The following ZFYVE28 variants were observed in gnomAD, a reference collection of about 807,000 sequenced individuals.
The protein encoded by ZFYVE28 is lateral signaling target protein 2 homolog.
A neutral mutation model predicts 82.1 loss-of-function variants in ZFYVE28; 40 were observed. The ratio of observed to expected loss-of-function variants is 0.49; its 90% CI spans 0.38 to 0.63. The LOEUF (loss-of-function observed/expected upper bound fraction) is 0.63. ZFYVE28 is among the 30% of genes least tolerant of loss of function. The probability of loss-of-function intolerance (pLI) is 0.00; values close to 1 mark genes in which losing one functional copy is unlikely to be tolerated. For synonymous variants in ZFYVE28, 612 were observed against 546.1 expected (o/e 1.12, Z -1.68); for missense variants, 1,321 against 1,242.1 (o/e 1.06, Z -0.96).
At chr4:2,380,356 G>T (rs941111963) in intron 1 of ZFYVE28, among the ~76,000 whole-genome samples, 1 of 152,186 alleles carries the variant, frequency 6.6e-6, no homozygotes. Context: ...TAGCAGGAGC[G>T]GGGAGAGCAA....
At chr4:2,387,045 C>G (rs1045579139) in intron 1 of ZFYVE28, among the ~76,000 whole-genome samples, 1 of 152,154 alleles carries the variant, frequency 6.6e-6, no homozygotes, top group Non-Finnish European at 1.5e-5. Flanking sequence ...GCTCCGCAGA[C>G]TGCAGGAGAC....
intron 8 of ZFYVE28, among the ~76,000 whole-genome samples, chr4:2,281,194 T>C (rs1711915168): frequency 6.6e-6 from 1 of 151,664 alleles, no homozygotes. Flanking sequence ...GAAAAACCAA[T>C]GAGGTACTGC....
chr4:2,395,982 T>A lies in ZFYVE28; in HGVS notation c.39+22303A>T, dbSNP rs73072381. On this transcript the variant is annotated intron_variant, in intron 1 of 12. Transcript: ENST00000290974. Reference sequence around the variant, plus strand: ...TTGCCTGTGTCCCCTGGGGGTCCAATTCAGCCCGGGTGAGACCCACTGGGT... The same window carrying A: ...TTGCCTGTGTCCCCTGGGGGTCCAAATCAGCCCGGGTGAGACCCACTGGGT... 5.6e-3 allele frequency among the ~76,000 whole-genome samples: 846 copies of A among 150,340 alleles called. 2 individuals carry two copies. The highest frequency in any genetic ancestry group is 0.02 in the African/African-American group (790 of 39,698).
At chr4:2,340,777 C>G (rs1247242790) in intron 3 of ZFYVE28, among the ~76,000 whole-genome samples, 1 of 152,140 alleles carries the variant, frequency 6.6e-6, no homozygotes, top group East Asian at 1.9e-4. Flanking sequence ...GACACCCCAA[C>G]CAGGTGGCTC....
rs570811083 is a variant in ZFYVE28 at position 2,362,716 on chromosome 4, C to T, written c.40-8643G>A. ...ACACTCCTGTGGTCCCAGGCACAGC[C>T]GTGCTGCCACACCCACCCCAATGTT... On this transcript the variant is annotated intron_variant, in intron 1 of 12. Coordinates refer to ENST00000290974, the MANE Select transcript of ZFYVE28 (RefSeq NM_020972.3). The surrounding 1 kb of genome is among the most constrained non-coding windows in gnomAD (Gnocchi z 5.1). Among the ~76,000 whole-genome samples the T allele has an allele frequency of 2.6e-5, 4 of 152,290 alleles. No homozygotes were observed. The highest frequency in any genetic ancestry group is 9.6e-5 in the African/African-American group (4 of 41,580).
At chr4:2,405,274 C>T (rs1481343170) in intron 1 of ZFYVE28, among the ~76,000 whole-genome samples, 2 of 152,196 alleles carry the variant, frequency 1.3e-5, no homozygotes, top group Non-Finnish European at 2.9e-5. Flanking sequence ...GGGTGCACCG[C>T]CACCTGCTTT....
chr4:2,354,549 C>T (rs1724957563), intron 1 of ZFYVE28, among the ~76,000 whole-genome samples: 1 of 150,972 alleles, frequency 6.6e-6, no homozygotes, highest in Non-Finnish European at 1.5e-5. Context: ...ACCTCCGCCT[C>T]CTGGGTTCAA....
chr4:2,295,622 GCCCTGCT>G (rs1158006583), intron 8 of ZFYVE28: 1 of 152,670 alleles, frequency 6.6e-6, no homozygotes, highest in African/African-American at 2.4e-5. Flanking sequence ...ACCTCCTTCT[GCCCTGCT>G]CCCTGTCCCC....
intron 1 of ZFYVE28, among the ~76,000 whole-genome samples, chr4:2,391,419 T>A (rs1435696013): frequency 6.6e-6 from 1 of 151,686 alleles, no homozygotes; most frequent in Non-Finnish European, 1.5e-5. Flanking sequence ...GCAAGGTTAC[T>A]GTCTTAGGTC....
intron 2 of ZFYVE28, chr4:2,343,655 C>G (rs1391244140): frequency 6.6e-6 from 1 of 152,214 alleles, no homozygotes; most frequent in Non-Finnish European, 1.5e-5. Context: ...GAAGAAGAGT[C>G]CAGGATCTGA....
intron 7 of ZFYVE28, among the ~76,000 whole-genome samples, chr4:2,308,663 A>AAG (rs1389561831): frequency 2.5e-5 from 3 of 119,660 alleles, no homozygotes; most frequent in African/African-American, 1.1e-4. Context: ...GAAAGAAAGA[A>AAG]AGAAAGAAAG....
In ZFYVE28 at chr4:2,394,143, C is replaced by T. The variant is rs961684640; in HGVS notation, c.39+24142G>A. On this transcript the variant is annotated intron_variant, in intron 1 of 12. Transcript: ENST00000290974. The surrounding 1 kb of genome is among the most constrained non-coding windows in gnomAD (Gnocchi z 4.0). ...TCCTCTGACTCTCCTGCCCCCTTCT[C>T]CACTACTGAGGACTCCTGTGGTTCC... Among the ~76,000 whole-genome samples, 56 of 152,324 alleles carry T rather than the reference C, an allele frequency of 3.7e-4. No individual in the cohort carries two copies. The highest frequency in any genetic ancestry group is 3.4e-3 in the Middle Eastern group (1 of 294).
At position 2,416,501 on chromosome 4, in the gene ZFYVE28, C is replaced by T. The variant is rs1024295938; in HGVS notation, c.39+1784G>A. Among the ~76,000 whole-genome samples, 2 of 152,206 alleles carry T rather than the reference C, an allele frequency of 1.3e-5. No individual in the cohort carries two copies. Among genetic ancestry groups the T allele is most frequent in the Non-Finnish European group, 2.9e-5 (2 of 68,036 alleles). ...AATGCTGCTGCACGCCCCCAAAACGCCGTTTTACAAGCAGACTTGGTTTTC... is the reference window on the plus strand; with the variant it reads ...AATGCTGCTGCACGCCCCCAAAACGTCGTTTTACAAGCAGACTTGGTTTTC... On this transcript the variant is annotated intron_variant, in intron 1 of 12. Coordinates refer to ENST00000290974, the MANE Select transcript of ZFYVE28 (RefSeq NM_020972.3). This position sits in a 1 kb window ranked among gnomAD's most constrained non-coding sequence, Gnocchi z 4.6.
At chr4:2,363,686 C>A (rs1726470643) in intron 1 of ZFYVE28, among the ~76,000 whole-genome samples, 1 of 152,226 alleles carries the variant, frequency 6.6e-6, no homozygotes, top group Non-Finnish European at 1.5e-5. Flanking sequence ...GCATGGAGGA[C>A]TAAACAGTAG....
At chr4:2,387,180 G>A (rs561028035) in intron 1 of ZFYVE28, among the ~76,000 whole-genome samples, 6 of 152,300 alleles carry the variant, frequency 3.9e-5, no homozygotes, top group Admixed American at 1.3e-4. Context: ...CGCCACCAGC[G>A]GCCTAGGGTC....
chr4:2,324,173 A>G (rs1455858395), intron 6 of ZFYVE28, among the ~76,000 whole-genome samples: 1 of 152,146 alleles, frequency 6.6e-6, no homozygotes, highest in Non-Finnish European at 1.5e-5. Flanking sequence ...AACCCGGAGA[A>G]GAGTTGACAC....
intron 1 of ZFYVE28, among the ~76,000 whole-genome samples, chr4:2,398,267 C>T (rs1308630356): frequency 1.3e-5 from 2 of 152,110 alleles, no homozygotes; most frequent in Non-Finnish European, 2.9e-5. Context: ...ATTGGTGACC[C>T]GATGGGTGGT....
intron 8 of ZFYVE28, among the ~76,000 whole-genome samples, chr4:2,289,973 G>C (rs949438239): frequency 6.6e-6 from 1 of 152,184 alleles, no homozygotes; most frequent in East Asian, 1.9e-4. Flanking sequence ...CAGAAGCTCA[G>C]GGGGAGGACA....
intron 1 of ZFYVE28, among the ~76,000 whole-genome samples, chr4:2,364,146 G>T (rs1726536514): frequency 6.6e-6 from 1 of 152,224 alleles, no homozygotes; most frequent in African/African-American, 2.4e-5. Context: ...TTCTGGCCCA[G>T]TGGGGCACAG....
Sources: gnomAD v4.1 joint callset for allele counts (sites outside exome capture counted in the v4.1 genomes callset) on GRCh38, gnomAD v4.1.1 for gene constraint, Gnocchi (gnomAD v3.1) non-coding constraint, MANE v1.5 for transcripts, NCBI Gene and HGNC (gene_info 2026-07-23, HGNC 2026-07-21) for gene names.